THSD4: variants seen among roughly 807,000 people sequenced by gnomAD.
The protein encoded by THSD4 is thrombospondin type 1 domain containing 4, also known as thrombospondin type-1 domain-containing protein 4.
THSD4 carries 69 observed loss-of-function variants against 119.0 expected under a neutral mutation model. The ratio of observed to expected loss-of-function variants is 0.58; its 90% confidence interval spans 0.48 to 0.71. The LOEUF (loss-of-function observed/expected upper bound fraction) is 0.71, where lower values mean the gene tolerates loss of function less well. Among genes scored for constraint, THSD4 ranks in the 30% least tolerant of loss-of-function variants. THSD4 has a pLI of 0.00. For synonymous variants in THSD4, 524 were observed against 540.4 expected, an observed-to-expected ratio of 0.97 and a Z score of 0.42; for missense variants, 1,393 against 1,391.1, an observed-to-expected ratio of 1.00 and a Z score of -0.02.
At position 71,380,580 on chromosome 15, in the gene THSD4, A is replaced by T. The variant is rs116426779; in HGVS notation, c.1016-31107A>T. On this transcript the variant is annotated intron_variant, in intron 6 of 17. Transcript: ENST00000261862. The stretch of plus-strand genomic sequence containing the variant: ...CCTTAACAAGAGCCCATACAGACCA[A>T]TCTAAATCAAACAAACCAAACTTCT... 5.4e-3 allele frequency among the ~76,000 whole-genome samples: 829 copies of T among 152,202 alleles called. 9 individuals are homozygous for T. The highest frequency in any genetic ancestry group is 0.019 in the African/African-American group (798 of 41,570).
At chr15:71,447,345 T>G (rs1265966060) in intron 7 of THSD4, among the ~76,000 whole-genome samples, 1 of 152,044 alleles carries the variant, frequency 6.6e-6, no homozygotes, top group Non-Finnish European at 1.5e-5. Flanking sequence ...TGTCTTGATC[T>G]CTTGACCTCG....
At chr15:71,708,562 T>G (rs1378276151) in intron 8 of THSD4, among the ~76,000 whole-genome samples, 1 of 152,152 alleles carries the variant, frequency 6.6e-6, no homozygotes, top group Non-Finnish European at 1.5e-5. Flanking sequence ...GCTGTGAGAT[T>G]TTTTTTCAGT....
rs573743713 is a variant in THSD4, at chr15:71,209,284, A to G, written c.100-5751A>G. 2.0e-5 allele frequency among the ~76,000 whole-genome samples: 3 copies of G among 152,332 alleles called. No individual in the cohort carries two copies. The East Asian group carries it at 5.8e-4, about 29-fold the overall frequency. ...TTCATTTCATCTACCAAGTAATACTAGCAGATTCGCATTCTTTTATCTCAC... is the reference window on the plus strand; with the variant it reads ...TTCATTTCATCTACCAAGTAATACTGGCAGATTCGCATTCTTTTATCTCAC... On this transcript the variant is annotated intron_variant, in intron 3 of 17. Coordinates refer to ENST00000261862, the MANE Select transcript of THSD4 (RefSeq NM_024817.3).
At chr15:71,257,848 A>T (rs2044338257) in intron 6 of THSD4, among the ~76,000 whole-genome samples, 1 of 152,142 alleles carries the variant, frequency 6.6e-6, no homozygotes, top group East Asian at 1.9e-4. Context: ...TGACTGAAAA[A>T]TTGAGACTAT....
chr15:71,235,961 G>A (rs1053519397), intron 4 of THSD4, among the ~76,000 whole-genome samples: 2 of 152,236 alleles, frequency 1.3e-5, no homozygotes, highest in Non-Finnish European at 2.9e-5. Context: ...GACTTTCCAC[G>A]CGGGCAGGGG....
chr15:71,615,025 G>A (rs2050297506), intron 7 of THSD4, among the ~76,000 whole-genome samples: 1 of 152,144 alleles, frequency 6.6e-6, no homozygotes. Flanking sequence ...TCAAACTACT[G>A]CCCAATTTTC....
intron 7 of THSD4, among the ~76,000 whole-genome samples, chr15:71,494,715 A>G (rs920207935): frequency 1.3e-5 from 2 of 152,212 alleles, no homozygotes; most frequent in Non-Finnish European, 2.9e-5. Flanking sequence ...AGAAGCCTCC[A>G]TACATTGGGA....
rs572493244 is a variant in THSD4, at chr15:71,437,410, C to T, written c.1152+25587C>T. 1.3e-4 allele frequency among the ~76,000 whole-genome samples: 20 copies of T among 152,328 alleles called. No individual in the cohort carries two copies. In the South Asian group the frequency reaches 4.1e-3, roughly 32 times the overall value. The stretch of plus-strand genomic sequence containing the variant: ...TGACAGAAGTCTGCCCAGGCATTGA[C>T]AGCTTGAGTCTTTCTTCCTGCGATA... On this transcript the variant is annotated intron_variant, in intron 7 of 17. Coordinates refer to ENST00000261862, the MANE Select transcript of THSD4 (RefSeq NM_024817.3).
intron 7 of THSD4, among the ~76,000 whole-genome samples, chr15:71,580,351 C>A (rs1040011772): frequency 1.3e-5 from 2 of 152,070 alleles, no homozygotes; most frequent in African/African-American, 4.8e-5. Flanking sequence ...GATTTATTGA[C>A]ATATAATTGA....
At chr15:71,137,424 C>T (rs183384617) in intron 1 of THSD4, among the ~76,000 whole-genome samples, 1 of 152,302 alleles carries the variant, frequency 6.6e-6, no homozygotes, top group East Asian at 1.9e-4. Context: ...TCTAGGCCTC[C>T]GCTGCCCTCT....
chr15:71,464,038 GA>G (rs1328948707), intron 7 of THSD4, among the ~76,000 whole-genome samples: 1 of 152,258 alleles, frequency 6.6e-6, no homozygotes, highest in African/African-American at 2.4e-5. Flanking sequence ...TTTATCTTGG[GA>G]AGTCCTTCAA....
intron 6 of THSD4, chr15:71,341,281 G>C (rs1205041818): frequency 2.5e-6 from 4 of 1,597,750 alleles, no homozygotes; most frequent in Non-Finnish European, 3.4e-6. Flanking sequence ...TCTCAATGTG[G>C]CAGGGAGAGC....
chr15:71,236,229 G>A lies in THSD4; in HGVS notation c.465-6420G>A, dbSNP rs1176898942. ...ACAAAACAGCCTGGCTCCGGAGGGC[G>A]GGGCTCTCACTCTGCCCACTCCCCT... On this transcript the variant is annotated intron_variant, in intron 4 of 17. Transcript: ENST00000261862. 4.6e-5 allele frequency among the ~76,000 whole-genome samples: 7 copies of A among 152,312 alleles called. No homozygotes were observed. The East Asian group carries it at 7.7e-4, about 17-fold the overall frequency.
chr15:71,189,998 A>T (rs2043656308), intron 3 of THSD4, among the ~76,000 whole-genome samples: 2 of 152,138 alleles, frequency 1.3e-5, no homozygotes, highest in Non-Finnish European at 2.9e-5. Context: ...GCATGCTCAG[A>T]TGGTTTGAGT....
intron 14 of THSD4, among the ~76,000 whole-genome samples, chr15:71,754,385 T>C (rs144273539): frequency 6.6e-6 from 1 of 152,266 alleles, no homozygotes; most frequent in East Asian, 1.9e-4. Context: ...CCACCACACC[T>C]GGCCTACATT....
At chr15:71,594,266 T>G (rs1205671282) in intron 7 of THSD4, among the ~76,000 whole-genome samples, 1 of 151,760 alleles carries the variant, frequency 6.6e-6, no homozygotes, top group Non-Finnish European at 1.5e-5. Flanking sequence ...TGGAGTGCAA[T>G]GGCACGATCT....
At chr15:71,750,797 T>A (rs1255454668) in intron 14 of THSD4, among the ~76,000 whole-genome samples, 1 of 152,146 alleles carries the variant, frequency 6.6e-6, no homozygotes, top group East Asian at 1.9e-4. Flanking sequence ...TAAAGCTGAG[T>A]CCAGGAGAGC....
At position 71,779,745 on chromosome 15, in the gene THSD4, C is replaced by CTTTT; in HGVS notation, c.*2371_*2372insTTTT. On this transcript the variant is annotated 3_prime_UTR_variant, in exon 18 of 18. Coordinates refer to ENST00000261862, the MANE Select transcript of THSD4 (RefSeq NM_024817.3). ...AACCATTCTTTAAAAGGAGAATGAC[C>CTTTT]CTCCATGGGAATGGCCAGCCTGCCA... 6.6e-6 allele frequency: 1 copy of CTTTT among 152,158 alleles called. No individual in the cohort carries two copies. The highest frequency in any genetic ancestry group is 2.4e-5 in the African/African-American group (1 of 41,422). The allele number at this position is 152,158 out of a possible 1,614,324, so 9.4% of individuals were successfully genotyped here.
chr15:71,270,000 A>T (rs959073888), intron 6 of THSD4, among the ~76,000 whole-genome samples: 7 of 152,246 alleles, frequency 4.6e-5, no homozygotes, highest in African/African-American at 1.7e-4. Context: ...AGGAAACATC[A>T]ATATTGTGAA....
Sources: allele counts gnomAD v4.1 joint callset (sites outside exome capture counted in the v4.1 genomes callset), GRCh38; gene constraint gnomAD v4.1.1; transcripts MANE v1.5; gene names NCBI Gene and HGNC (gene_info 2026-07-23, HGNC 2026-07-21).